The following RMDN2 variants were observed in gnomAD, a reference collection of about 807,000 sequenced individuals.
RMDN2 encodes the protein regulator of microtubule dynamics protein 2.
Under a neutral mutation model 52.8 loss-of-function variants are expected in RMDN2, and 61 were observed. The observed-to-expected ratio is 1.16, with a 90% CI of 0.94 to 1.43. RMDN2 has a LOEUF of 1.43. Ranked by LOEUF, RMDN2 falls within the 40% of genes most tolerant of loss-of-function variation. The probability of loss-of-function intolerance (pLI) is 0.00; values close to 1 mark genes in which losing one functional copy is unlikely to be tolerated. For missense variants in RMDN2, 592 were observed against 475.3 expected, an observed-to-expected ratio of 1.25 and a Z score of -2.28; for synonymous variants, 180 against 153.1, an observed-to-expected ratio of 1.18 and a Z score of -1.30.
Position 37,925,483 on chromosome 2 carries a change from G to C in RMDN2, c.-17+58G>C, listed in dbSNP as rs187491470. The stretch of plus-strand genomic sequence containing the variant: ...CCGCTGGGGGCCGGACCGCGCCGGG[G>C]ACTTGCGGAGGGAAGCGGAAATACT... On this transcript the variant is annotated intron_variant, in intron 1 of 10. Transcript: ENST00000354545. The C allele has an allele frequency of 6.8e-3, 1,033 of 152,776 alleles. 6 individuals carry two copies. The highest frequency in any genetic ancestry group is 0.024 in the African/African-American group (979 of 41,588). The allele number at this position is 152,776 out of a possible 1,614,324, so 9.5% of individuals were successfully genotyped here.
intron 2 of RMDN2, among the ~76,000 whole-genome samples, chr2:37,949,399 A>C (rs1030311084): frequency 6.6e-6 from 1 of 152,152 alleles, no homozygotes. Flanking sequence ...CTGTGAAGGC[A>C]AGTGTCCTTG....
chr2:37,923,516 A>C, upstream of RMDN2: 1 of 152,252 alleles, frequency 6.6e-6, no homozygotes, highest in Admixed American at 6.5e-5. Context: ...TTTAAGTATT[A>C]GCGAAGAGAC....
At chr2:37,992,698 A>G (rs758786215) in intron 7 of RMDN2, among the ~76,000 whole-genome samples, 8 of 152,364 alleles carry the variant, frequency 5.3e-5, no homozygotes, top group Non-Finnish European at 1.0e-4. Context: ...CTAAAACTAG[A>G]GAAAAAGTAC....
chr2:38,035,150 A>C (rs138557487), intron 10 of RMDN2, among the ~76,000 whole-genome samples: 52 of 152,326 alleles, frequency 3.4e-4, no homozygotes, highest in African/African-American at 1.3e-3. Flanking sequence ...AAATATATAG[A>C]AATCAGTAGC....
chr2:38,019,988 A>G (rs980080932), downstream of RMDN2, among the ~76,000 whole-genome samples: 2 of 152,232 alleles, frequency 1.3e-5, no homozygotes, highest in African/African-American at 4.8e-5. Context: ...ACCATTGCAA[A>G]TAATTGCTAA....
At chr2:38,033,121 C>G (rs906116032) in intron 10 of RMDN2, 1 of 152,212 alleles carries the variant, frequency 6.6e-6, no homozygotes, top group African/African-American at 2.4e-5. Context: ...AGTAGTATCT[C>G]ACTGTGGTTT....
intron 10 of RMDN2, among the ~76,000 whole-genome samples, chr2:38,038,142 AG>A (rs919740584): frequency 6.6e-6 from 1 of 151,760 alleles, no homozygotes; most frequent in African/African-American, 2.4e-5. Flanking sequence ...AAGCACTTCC[AG>A]GCTCCATTTC....
chr2:37,985,937 A>G (rs1012923668), intron 5 of RMDN2, among the ~76,000 whole-genome samples: 1 of 152,198 alleles, frequency 6.6e-6, no homozygotes, highest in Non-Finnish European at 1.5e-5. Flanking sequence ...GTATATCAAT[A>G]TTGGTACAGT....
chr2:37,975,123 A>G (rs1167353885), intron 3 of RMDN2, 89 bp from the exon 4 acceptor site: 3 of 755,032 alleles, frequency 4.0e-6, no homozygotes, highest in Non-Finnish European at 7.0e-6. Flanking sequence ...TTACCTGCCT[A>G]AGTTTTTAAA....
chr2:37,938,121 T>G (rs1486799750), intron 2 of RMDN2, among the ~76,000 whole-genome samples: 1 of 152,212 alleles, frequency 6.6e-6, no homozygotes, highest in South Asian at 2.1e-4. Context: ...AAGGCCTTTA[T>G]TGAAGGCCTT....
At chr2:38,028,068 A>C (rs1309796635) in intron 10 of RMDN2, 1 of 152,198 alleles carries the variant, frequency 6.6e-6, no homozygotes, top group Non-Finnish European at 1.5e-5. Flanking sequence ...CAGTCCTCAG[A>C]GCTCAATGTA....
intron 10 of RMDN2, among the ~76,000 whole-genome samples, chr2:38,015,164 T>G (rs768298898): frequency 2.6e-5 from 4 of 152,218 alleles, no homozygotes; most frequent in Non-Finnish European, 5.9e-5. Context: ...GTCTCAAGTT[T>G]CTATCTGTCT....
intron 10 of RMDN2, among the ~76,000 whole-genome samples, chr2:38,064,051 A>T (rs1301313483): frequency 6.6e-6 from 1 of 152,228 alleles, no homozygotes; most frequent in Non-Finnish European, 1.5e-5. Context: ...TCACATGTAG[A>T]GATATGTACT....
chr2:38,017,598 T>A lies in RMDN2; in HGVS notation c.*359T>A. 8.1e-7 allele frequency: 1 copy of A among 1,228,548 alleles called. No individual in the cohort carries two copies. The highest frequency in any genetic ancestry group is 1.1e-6 in the Non-Finnish European group (1 of 934,008). 76.1% of individuals were successfully genotyped at this position (1,228,548 alleles called of 1,614,324 possible). A position where few individuals can be genotyped will look rare whatever the true frequency, so the allele number is the denominator to read the frequency against. ...TGGAGACTTCGTAAGACAAAATAAT[T>A]TCATTAATGTGGATGAAAAATGGAA... On this transcript the variant is annotated 3_prime_UTR_variant, in exon 11 of 11. Coordinates refer to ENST00000354545, the MANE Select transcript of RMDN2 (RefSeq NM_001170791.3).
intron 10 of RMDN2, among the ~76,000 whole-genome samples, chr2:38,032,336 A>G (rs1198167650): frequency 2.0e-5 from 3 of 152,202 alleles, no homozygotes; most frequent in Non-Finnish European, 4.4e-5. Flanking sequence ...ATACCATATT[A>G]ATGGAATCAT....
chr2:37,925,011 G>A (rs1368565500), upstream of RMDN2, among the ~76,000 whole-genome samples: 1 of 152,226 alleles, frequency 6.6e-6, no homozygotes, highest in Non-Finnish European at 1.5e-5. Context: ...AGCTGGCGGT[G>A]GGCGTGCGGA....
In RMDN2 at chr2:37,950,606, G is replaced by C. The variant is rs539209384; in HGVS notation, c.452+20877G>C. On this transcript the variant is annotated intron_variant, in intron 2 of 10. Coordinates refer to ENST00000354545, the MANE Select transcript of RMDN2 (RefSeq NM_001170791.3). The stretch of plus-strand genomic sequence containing the variant: ...GGGAAAGTGCTTAAGGTAAGCCTTA[G>C]AAAAAAACTTCAACATGTGCTAAAA... 265 of 1,612,616 alleles carry C rather than the reference G, an allele frequency of 1.6e-4. 5 individuals carry two copies. In the South Asian group the frequency reaches 2.4e-3, roughly 14 times the overall value.
At chr2:37,997,757 G>A in intron 8 of RMDN2, 1 of 423,784 alleles carries the variant, frequency 2.4e-6, no homozygotes, top group Non-Finnish European at 4.3e-6. Context: ...AAATAACCCA[G>A]CAGCCTAAAT....
upstream of RMDN2, among the ~76,000 whole-genome samples, chr2:37,924,931 T>G (rs1666147855): frequency 6.6e-6 from 1 of 152,174 alleles, no homozygotes; most frequent in Admixed American, 6.5e-5. Flanking sequence ...TGCAAGGTTG[T>G]GCCTAGAAAG....
Sources: allele counts gnomAD v4.1 joint callset (sites outside exome capture counted in the v4.1 genomes callset), GRCh38; gene constraint gnomAD v4.1.1; transcripts MANE v1.5; gene names NCBI Gene and HGNC (gene_info 2026-07-23, HGNC 2026-07-21).